KIF19: variants seen among roughly 807,000 people sequenced by gnomAD.
KIF19 encodes kinesin family member 19.
A neutral mutation model predicts 106.6 loss-of-function variants in KIF19; 98 were observed. The observed-to-expected ratio is 0.92, with a 90% CI of 0.78 to 1.09. The LOEUF (loss-of-function observed/expected upper bound fraction) is 1.09, where lower values mean the gene tolerates loss of function less well. Ranked by LOEUF, KIF19 falls within the 50% of genes least tolerant of loss-of-function variation. The pLI is 0.00. For missense variants in KIF19, 1,373 were observed against 1,414.3 expected (o/e 0.97, Z 0.47); for synonymous variants, 516 against 584.2 (o/e 0.88, Z 1.68).
chr17:74,354,163 G>A lies in KIF19; in HGVS notation c.2310G>A (p.Glu770=), dbSNP rs200634954. 8.7e-6 allele frequency: 14 copies of A among 1,604,822 alleles called. 1 individual carries two copies. The South Asian group carries it at 1.6e-4, about 18-fold the overall frequency. ...TATGTTCCCCGTGTCCCGCTGCAGA[G>A]AGGAAGGAGATCCTGACTGGCACCA... is the stretch of plus-strand genomic sequence containing the variant. ...NLSEIPLSHK[E]RKEILTGTKC... is the part of the protein sequence containing the mutation. Residue 770 remains glutamate, a splice_region_variant and synonymous_variant, in exon 18 of 20, where the codon GAG becomes GAA. Coordinates refer to ENST00000389916, the MANE Select transcript of KIF19 (RefSeq NM_153209.4).
At chr17:74,336,292 C>T (rs1167314437) in intron 2 of KIF19, among the ~76,000 whole-genome samples, 4 of 152,166 alleles carry the variant, frequency 2.6e-5, no homozygotes, top group African/African-American at 9.7e-5. Flanking sequence ...TGTTCTTGAA[C>T]TCCTGACCTC....
At chr17:74,326,419 C>T in intron 1 of KIF19, 31 bp downstream of exon 1, 1 of 1,606,178 alleles carries the variant, frequency 6.2e-7, no homozygotes, top group South Asian at 1.1e-5. Flanking sequence ...CCTCCCCACC[C>T]CGCTCCGTGG....
Position 74,334,650 on chromosome 17 carries a change from T to C in KIF19, c.120+6145T>C, listed in dbSNP as rs545723942. Among the ~76,000 whole-genome samples, 8 of 152,324 alleles carry C rather than the reference T, an allele frequency of 5.3e-5. No individual in the cohort carries two copies. The East Asian group carries it at 7.7e-4, about 15-fold the overall frequency. ...AGGCTGACAGGCCCCAGGGACACCC[T>C]TCCTGGGATCAACGTTGCCTTTATT... On this transcript the variant is annotated intron_variant, in intron 2 of 19. Coordinates refer to ENST00000389916, the MANE Select transcript of KIF19 (RefSeq NM_153209.4).
chr17:74,349,006 A>G, intron 9 of KIF19, 178 bp from the exon 10 acceptor site: 1 of 619,570 alleles, frequency 1.6e-6, no homozygotes, highest in South Asian at 2.0e-5. Context: ...AAGCCACTGA[A>G]GGTTGATGAG....
At position 74,352,026 on chromosome 17, in the gene KIF19, G is replaced by T; in HGVS notation, c.1747G>T (p.Ala583Ser). Residue 583 changes from alanine (A) to serine (S), a missense_variant, in exon 13 of 20, where the codon GCG becomes TCG. Ala to Ser is a moderately conservative substitution (Grantham distance 99). This residue lies in a region of KIF19 where 1,020 missense variants were observed against 1,008.2 expected (regional missense o/e 1.01). Transcript: ENST00000389916. ...EVENTEMQSH[A>S]LLRDGALRHR... ...GGAGAACACCGAGATGCAGTCGCACGCGCTGCTCCGCGACGGTGCGCTCCG... is the reference window on the plus strand; with the variant it reads ...GGAGAACACCGAGATGCAGTCGCACTCGCTGCTCCGCGACGGTGCGCTCCG... 1 of 1,564,480 alleles carries T rather than the reference G, an allele frequency of 6.4e-7. No homozygotes were observed. The highest frequency in any genetic ancestry group is 1.2e-5 in the South Asian group (1 of 86,338).
intron 2 of KIF19, among the ~76,000 whole-genome samples, chr17:74,335,973 C>T (rs2054211023): frequency 6.6e-6 from 1 of 152,204 alleles, no homozygotes; most frequent in African/African-American, 2.4e-5. Context: ...TGTGTGGCTT[C>T]AACAACAGCC....
intron 19 of KIF19, 50 bp from the exon 20 acceptor site, chr17:74,355,132 G>T: frequency 6.4e-7 from 1 of 1,557,320 alleles, no homozygotes; most frequent in Non-Finnish European, 8.7e-7. Context: ...TGGGAGAGGA[G>T]TTGGGGAGGC....
intron 7 of KIF19, among the ~76,000 whole-genome samples, chr17:74,345,291 G>A (rs2054504921): frequency 6.6e-6 from 1 of 152,106 alleles, no homozygotes; most frequent in African/African-American, 2.4e-5. Flanking sequence ...CAGGGAAGGA[G>A]ACTGTGGCTG....
At chr17:74,328,190 AGC>A (rs1199013252) in intron 1 of KIF19, among the ~76,000 whole-genome samples, 1 of 151,596 alleles carries the variant, frequency 6.6e-6, no homozygotes, top group Non-Finnish European at 1.5e-5. Context: ...AGGAGCAGAC[AGC>A]TCTCTCCCCT....
chr17:74,334,743 C>G lies in KIF19; in HGVS notation c.120+6238C>G, dbSNP rs142073914. ...AGCAACAAATTCTCCTTTAAAGAAACAAACAAACAAACAAACAGAAACAGA... is the reference window on the plus strand; with the variant it reads ...AGCAACAAATTCTCCTTTAAAGAAAGAAACAAACAAACAAACAGAAACAGA... On this transcript the variant is annotated intron_variant, in intron 2 of 19. Coordinates refer to ENST00000389916, the MANE Select transcript of KIF19 (RefSeq NM_153209.4). 1.7e-3 allele frequency among the ~76,000 whole-genome samples: 266 copies of G among 152,108 alleles called. 2 individuals carry two copies. The highest frequency in any genetic ancestry group is 6.0e-3 in the African/African-American group (250 of 41,508).
intron 12 of KIF19, chr17:74,351,485 G>A (rs758219811): frequency 8.2e-5 from 15 of 183,058 alleles, no homozygotes; most frequent in Non-Finnish European, 1.2e-4. Flanking sequence ...GAGAGATCCT[G>A]TCTCAAAAAA....
intron 3 of KIF19, 85 bp downstream of exon 3, chr17:74,342,071 C>T (rs572090491): frequency 1.0e-6 from 1 of 961,114 alleles, no homozygotes; most frequent in East Asian, 2.4e-5. Flanking sequence ...AGGGCCCCTG[C>T]CTTTGAACCT....
chr17:74,335,834 G>A (rs2054206071), intron 2 of KIF19, among the ~76,000 whole-genome samples: 1 of 152,262 alleles, frequency 6.6e-6, no homozygotes, highest in South Asian at 2.1e-4. Flanking sequence ...GAGCCCACCT[G>A]CTTAAGGCTG....
chr17:74,330,817 T>C (rs1224785392), intron 2 of KIF19, among the ~76,000 whole-genome samples: 2 of 152,190 alleles, frequency 1.3e-5, no homozygotes, highest in Non-Finnish European at 2.9e-5. Flanking sequence ...ACAGGGCTGC[T>C]CCTTTGTCAG....
chr17:74,337,764 T>C (rs1109755), intron 2 of KIF19, among the ~76,000 whole-genome samples: 66,448 of 152,022 alleles, frequency 0.44, 14,731 homozygotes, highest in Non-Finnish European at 0.48. Flanking sequence ...GAGACCTTGC[T>C]CAGCAAGCGT....
At position 74,352,212 on chromosome 17, in the gene KIF19, C is replaced by T. The variant is rs1369849501; in HGVS notation, c.1859-7C>T. Reference sequence around the variant, plus strand: ...GCACTCACTGAGCCCTGCCCCTTCCCCAGCAGACTACAACCTGGCCGTCCC... The same window carrying T: ...GCACTCACTGAGCCCTGCCCCTTCCTCAGCAGACTACAACCTGGCCGTCCC... On this transcript the variant is annotated splice_region_variant and splice_polypyrimidine_tract_variant and intron_variant, in intron 13 of 19. Transcript: ENST00000389916. 6.2e-7 allele frequency: 1 copy of T among 1,610,028 alleles called. No homozygotes were observed. The highest frequency in any genetic ancestry group is 1.1e-5 in the South Asian group (1 of 90,658).
chr17:74,336,781 A>C (rs886071633), intron 2 of KIF19, among the ~76,000 whole-genome samples: 2 of 152,100 alleles, frequency 1.3e-5, no homozygotes, highest in African/African-American at 4.8e-5. Context: ...CTGATTCCTC[A>C]TCTCCAGGCA....
At position 74,355,176 on chromosome 17, in the gene KIF19, T is replaced by C. The variant is rs1250271970; in HGVS notation, c.2867-6T>C. ...ACCACTGATCCTGCCCCTTTCCCTG[T>C]TGCAGGCCCGGGGGACTCCTCACCC... On this transcript the variant is annotated splice_region_variant and splice_polypyrimidine_tract_variant and intron_variant, in intron 19 of 19. Transcript: ENST00000389916. 6.3e-7 allele frequency: 1 copy of C among 1,588,172 alleles called. No homozygotes were observed. Among genetic ancestry groups the C allele is most frequent in the South Asian group, 1.1e-5 (1 of 88,528 alleles).
intron 10 of KIF19, among the ~76,000 whole-genome samples, 159 bp from the exon 11 acceptor site, chr17:74,350,242 G>A (rs1396539686): frequency 2.0e-5 from 3 of 152,210 alleles, no homozygotes; most frequent in Non-Finnish European, 4.4e-5. Flanking sequence ...GGGTCTGGGA[G>A]GATGTAGTAA....
Sources: gnomAD v4.1 joint callset for allele counts (sites outside exome capture counted in the v4.1 genomes callset) on GRCh38, gnomAD v4.1.1 for gene constraint, gnomAD v4.1.1 regional missense constraint, MANE v1.5 for transcripts, NCBI Gene and HGNC (gene_info 2026-07-23, HGNC 2026-07-21) for gene names.